Variants in EPHA6 observed in about 807,000 individuals in gnomAD.
EPHA6 encodes EPH receptor A6.
EPHA6 carries 50 observed loss-of-function variants against 112.0 expected under a neutral mutation model. The observed-to-expected ratio is 0.45, with a 90% CI of 0.36 to 0.56. The LOEUF (loss-of-function observed/expected upper bound fraction) is 0.56. Ranked by LOEUF, EPHA6 falls within the 20% of genes least tolerant of loss-of-function variation. The probability of loss-of-function intolerance (pLI) is 0.00; values close to 1 mark genes in which losing one functional copy is unlikely to be tolerated. For missense variants in EPHA6, 1,280 were observed against 1,417.4 expected (o/e 0.90, Z 1.56); for synonymous variants, 529 against 490.7 (o/e 1.08, Z -1.03).
intron 5 of EPHA6, among the ~76,000 whole-genome samples, chr3:97,324,972 C>T (rs2082351174): frequency 6.6e-6 from 1 of 152,054 alleles, no homozygotes; most frequent in African/African-American, 2.4e-5. Flanking sequence ...CCAGTGTTTT[C>T]TAACCTCTTT....
At chr3:97,289,091 G>A (rs1016221294) in intron 5 of EPHA6, among the ~76,000 whole-genome samples, 2 of 151,854 alleles carry the variant, frequency 1.3e-5, no homozygotes, top group Non-Finnish European at 2.9e-5. Flanking sequence ...GTTTAATCAG[G>A]TCACAAGTCA....
At chr3:97,225,041 C>T (rs148293291) in intron 3 of EPHA6, among the ~76,000 whole-genome samples, 3,724 of 152,182 alleles carry the variant, frequency 0.024, 78 homozygotes, top group Non-Finnish European at 0.037. Context: ...CTGCAAGCTC[C>T]GCCTCCCGGG....
At chr3:97,688,574 A>G (rs1243595082) in intron 14 of EPHA6, among the ~76,000 whole-genome samples, 2 of 97,624 alleles carry the variant, frequency 2.0e-5, no homozygotes, top group African/African-American at 8.2e-5. Context: ...GGGGCCTGTC[A>G]TGGGGTGGGG....
intron 5 of EPHA6, among the ~76,000 whole-genome samples, chr3:97,291,186 A>G (rs1421061924): frequency 6.6e-6 from 1 of 152,070 alleles, no homozygotes; most frequent in Non-Finnish European, 1.5e-5. Context: ...TACTATTTTG[A>G]AAGTTTCTCT....
intron 2 of EPHA6, among the ~76,000 whole-genome samples, chr3:96,946,331 C>T (rs540500646): frequency 6.1e-4 from 93 of 152,128 alleles, no homozygotes; most frequent in African/African-American, 2.2e-3. Flanking sequence ...CCCCTTCCCC[C>T]ACCCCACGAC....
Position 97,244,154 on chromosome 3 carries a change from C to A in EPHA6, c.1473C>A (p.Asn491Lys). Residue 491 changes from asparagine (N) to lysine (K), a missense_variant, in exon 5 of 18, where the codon AAC (asparagine) becomes AAA (lysine). Physicochemically the swap from Asn to Lys is moderately conservative, Grantham distance 94. This residue lies in a region of EPHA6 where 878 missense variants were observed against 999.7 expected (regional missense o/e 0.88). Coordinates refer to ENST00000389672, the MANE Select transcript of EPHA6 (RefSeq NM_001080448.3). ...RFIPRHTGLI[N>K]NSVIVLDFVS... is the part of the protein sequence containing the mutation. ...TCCCAAGACATACAGGCCTGATCAA[C>A]AATTCCGTGATAGTACTTGACTTTG... 3 of 1,613,104 alleles carry A rather than the reference C, an allele frequency of 1.9e-6. No individual in the cohort carries two copies. Among genetic ancestry groups the A allele is most frequent in the Non-Finnish European group, 2.5e-6 (3 of 1,179,358 alleles).
chr3:97,239,732 A>AG (rs897697779), intron 4 of EPHA6, among the ~76,000 whole-genome samples: 2 of 151,850 alleles, frequency 1.3e-5, no homozygotes, highest in African/African-American at 4.8e-5. Flanking sequence ...AGGCAGAGGC[A>AG]GAAAAAGTGG....
At chr3:97,287,437 C>T (rs557866973) in intron 5 of EPHA6, among the ~76,000 whole-genome samples, 1 of 151,216 alleles carries the variant, frequency 6.6e-6, no homozygotes, top group South Asian at 2.1e-4. Flanking sequence ...TGCACTCCAG[C>T]GTGGGCAGCA....
rs191817699 is a variant in EPHA6 at position 97,094,911 on chromosome 3, G to A, written c.1114+106918G>A. ...GTAAAGGACTTTGGGTAAGGAAACCGGATTTCAGGGTCTGACTTGCCTACT... is the reference window on the plus strand; with the variant it reads ...GTAAAGGACTTTGGGTAAGGAAACCAGATTTCAGGGTCTGACTTGCCTACT... On this transcript the variant is annotated intron_variant, in intron 3 of 17. Transcript: ENST00000389672. Among the ~76,000 whole-genome samples the A allele has an allele frequency of 2.4e-3, 361 of 152,080 alleles. 3 individuals are homozygous for A. The highest frequency in any genetic ancestry group is 8.3e-3 in the African/African-American group (346 of 41,518).
In EPHA6 at chr3:97,184,445, C is replaced by A. The variant is rs1299585806; in HGVS notation, c.1115-41819C>A. ...ACAGACAAATAGAGAGGCAAATCAT[C>A]AGTGAACTCCCATTCACAATTGCTT... On this transcript the variant is annotated intron_variant, in intron 3 of 17. Coordinates refer to ENST00000389672, the MANE Select transcript of EPHA6 (RefSeq NM_001080448.3). 3.9e-5 allele frequency among the ~76,000 whole-genome samples: 6 copies of A among 152,226 alleles called. No homozygotes were observed. The South Asian group carries it at 1.2e-3, about 32-fold the overall frequency.
intron 13 of EPHA6, among the ~76,000 whole-genome samples, chr3:97,621,815 C>A (rs537623052): frequency 1.1e-3 from 166 of 151,924 alleles, no homozygotes; most frequent in African/African-American, 3.9e-3. Flanking sequence ...TAGGATTTAG[C>A]AAATAAGAGG....
intron 3 of EPHA6, among the ~76,000 whole-genome samples, chr3:97,212,650 G>T (rs900757156): frequency 3.3e-5 from 5 of 151,970 alleles, no homozygotes; most frequent in Non-Finnish European, 7.4e-5. Context: ...CTTGACACTT[G>T]TCCATCCCTT....
chr3:97,506,486 T>C (rs780665994), intron 10 of EPHA6, among the ~76,000 whole-genome samples: 1 of 152,208 alleles, frequency 6.6e-6, no homozygotes, highest in South Asian at 2.1e-4. Flanking sequence ...AAAGAACAGA[T>C]GGCTGAGATT....
chr3:97,463,207 C>G (rs1032418544), intron 7 of EPHA6, among the ~76,000 whole-genome samples: 2 of 152,030 alleles, frequency 1.3e-5, no homozygotes, highest in Non-Finnish European at 2.9e-5. Flanking sequence ...CCCATTAACT[C>G]GTCATTTACA....
At chr3:97,223,044 A>G (rs1384279715) in intron 3 of EPHA6, among the ~76,000 whole-genome samples, 7 of 152,222 alleles carry the variant, frequency 4.6e-5, no homozygotes, top group Non-Finnish European at 1.0e-4. Flanking sequence ...AGACTTTTCA[A>G]CAGAGAAGAA....
chr3:96,920,293 G>C (rs16836998), intron 2 of EPHA6, among the ~76,000 whole-genome samples: 10,490 of 151,782 alleles, frequency 0.069, 714 homozygotes, highest in Admixed American at 0.21. Flanking sequence ...GACTATTTAT[G>C]GAAAAAGAAA....
At chr3:97,136,405 T>C (rs1348126344) in intron 3 of EPHA6, among the ~76,000 whole-genome samples, 1 of 152,058 alleles carries the variant, frequency 6.6e-6, no homozygotes, top group Non-Finnish European at 1.5e-5. Flanking sequence ...AACAGTGTAT[T>C]AGAAAAGGCT....
At chr3:97,164,958 T>G (rs1576600743) in intron 3 of EPHA6, among the ~76,000 whole-genome samples, 1 of 152,256 alleles carries the variant, frequency 6.6e-6, no homozygotes, top group East Asian at 1.9e-4. Flanking sequence ...AACAGAATTC[T>G]TATCAATAAT....
intron 14 of EPHA6, among the ~76,000 whole-genome samples, chr3:97,687,234 C>T (rs538683052): frequency 6.6e-6 from 1 of 152,106 alleles, no homozygotes; most frequent in East Asian, 1.9e-4. Flanking sequence ...TTTTAGTCTG[C>T]CGTAGATCCT....
Sources: allele counts gnomAD v4.1 joint callset (sites outside exome capture counted in the v4.1 genomes callset), GRCh38; gene constraint gnomAD v4.1.1; regional missense constraint gnomAD v4.1.1; transcripts MANE v1.5; gene names NCBI Gene and HGNC (gene_info 2026-07-23, HGNC 2026-07-21).